The following AKT1 variants were observed in gnomAD, a reference collection of about 807,000 sequenced individuals.
AKT1 encodes the protein AKT serine/threonine kinase 1, also known as RAC-alpha serine/threonine-protein kinase.
Under a neutral mutation model 63.1 loss-of-function variants are expected in AKT1, and 21 were observed. The ratio of observed to expected loss-of-function variants is 0.33; its 90% CI spans 0.24 to 0.48. AKT1 has a LOEUF of 0.48. AKT1 is among the 20% of genes least tolerant of loss of function. The probability of loss-of-function intolerance (pLI) is 0.99; values close to 1 mark genes in which losing one functional copy is unlikely to be tolerated. For synonymous variants in AKT1, 257 were observed against 253.1 expected (o/e 1.02, Z -0.15); for missense variants, 382 against 666.0 (o/e 0.57, Z 4.69).
Position 104,772,434 on chromosome 14 carries a change from C to T in AKT1, c.1191G>A (p.Glu397=), listed in dbSNP as rs1334042967. ...GATGCTGCATGATCTCCTTGGCGTC[C>T]TCGGAGCCCCCGCCAAGCCTGCAGG... ...DPKQRLGGGS[E]DAKEIMQHRF... is the part of the protein sequence containing the mutation. The change falls in exon 13 of 15, where the codon GAG becomes GAA. Residue 397 remains glutamate (E), a synonymous_variant. Transcript: ENST00000649815. 4 of 1,613,408 alleles carry T rather than the reference C, an allele frequency of 2.5e-6. No individual in the cohort carries two copies. Among genetic ancestry groups the T allele is most frequent in the Non-Finnish European group, 3.4e-6 (4 of 1,180,044 alleles).
rs1566816352 is a variant in AKT1 at position 104,772,970 on chromosome 14, G to A, written c.1080C>T (p.Leu360=). ...YNQDHEKLFE[L]ILMEEIRFPR... The stretch of plus-strand genomic sequence containing the variant: ...GGAAGCGGATCTCCTCCATGAGGAT[G>A]AGCTCAAAAAGCTTCTCATGGTCCT... The change falls in exon 12 of 15, where the codon CTC becomes CTT. Residue 360 remains leucine (L), a synonymous_variant. Coordinates refer to ENST00000649815, the MANE Select transcript of AKT1 (RefSeq NM_001382430.1). 25 of 1,614,054 alleles carry A rather than the reference G, an allele frequency of 1.5e-5. No individual in the cohort carries two copies. The highest frequency in any genetic ancestry group is 1.9e-5 in the Non-Finnish European group (22 of 1,180,036).
At chr14:104,784,403 G>C (rs933424292) in intron 3 of AKT1, among the ~76,000 whole-genome samples, 3 of 152,058 alleles carry the variant, frequency 2.0e-5, no homozygotes, top group African/African-American at 7.2e-5. Context: ...GTCCCTGCCC[G>C]GGGGGACAGC....
intron 11 of AKT1, 75 bp from the exon 12 acceptor site, chr14:104,773,167 T>C (rs770846644): frequency 2.6e-4 from 418 of 1,609,872 alleles, no homozygotes; most frequent in Non-Finnish European, 3.5e-4. Flanking sequence ...TGTGACGTGC[T>C]TGGGGCACAG....
intron 3 of AKT1, among the ~76,000 whole-genome samples, chr14:104,782,444 G>A (rs1893108205): frequency 6.6e-6 from 1 of 152,176 alleles, no homozygotes; most frequent in Non-Finnish European, 1.5e-5. Flanking sequence ...CCCCAGCCTT[G>A]CCCCTGACCC....
chr14:104,790,599 C>T (rs189265567), intron 3 of AKT1, among the ~76,000 whole-genome samples: 5 of 152,294 alleles, frequency 3.3e-5, no homozygotes, highest in East Asian at 1.9e-4. Context: ...TGCGGGTGGA[C>T]GCCACCTGCT....
At chr14:104,776,551 G>T (rs1481589230) in intron 5 of AKT1, 108 bp downstream of exon 5, 2 of 915,046 alleles carry the variant, frequency 2.2e-6, no homozygotes, top group East Asian at 5.5e-5. Flanking sequence ...GGAGCACTGG[G>T]GAGTGAGGAT....
chr14:104,782,564 G>A (rs879446748), intron 3 of AKT1, among the ~76,000 whole-genome samples: 144 of 148,310 alleles, frequency 9.7e-4, no homozygotes, highest in Middle Eastern at 3.4e-3. Flanking sequence ...TACCAGGCGT[G>A]GGGGGTGGGA....
At chr14:104,789,841 C>T (rs1893533243) in intron 3 of AKT1, among the ~76,000 whole-genome samples, 1 of 152,208 alleles carries the variant, frequency 6.6e-6, no homozygotes, top group Non-Finnish European at 1.5e-5. Context: ...TGTGCAGACC[C>T]AGAGGCCTCG....
At position 104,773,441 on chromosome 14, in the gene AKT1, G is replaced by A. The variant is rs777252096; in HGVS notation, c.828+14C>T. The stretch of plus-strand genomic sequence containing the variant: ...CCCCCAGGGCCCTGCCCCCCTGCCT[G>A]CCCGCCAGCGCACCTTGAGGTCCCG... On this transcript the variant is annotated intron_variant, in intron 10 of 14. Coordinates refer to ENST00000649815, the MANE Select transcript of AKT1 (RefSeq NM_001382430.1). The A allele has an allele frequency of 4.3e-6, 7 of 1,613,862 alleles. No homozygotes were observed. The highest frequency in any genetic ancestry group is 3.3e-5 in the South Asian group (3 of 91,056).
chr14:104,773,933 C>T lies in AKT1; in HGVS notation c.681G>A (p.Met227Ile). The T allele has an allele frequency of 6.2e-7, 1 of 1,612,774 alleles. No individual in the cohort carries two copies. Among genetic ancestry groups the T allele is most frequent in the Non-Finnish European group, 8.5e-7 (1 of 1,179,358 alleles). ...CTACCTCGCCCCCGTTGGCGTACTC[C>T]ATGACAAAGCAGAGGCGGTCGTGGG... ...FQTHDRLCFVMEYANGGELFF... is the reference protein window; with the variant it reads ...FQTHDRLCFVIEYANGGELFF... Residue 227 changes from methionine to isoleucine, a missense_variant, in exon 9 of 15, where the codon ATG becomes ATA. Physicochemically the swap from Met to Ile is conservative, Grantham distance 10 (BLOSUM62 1). Coordinates refer to ENST00000649815, the MANE Select transcript of AKT1 (RefSeq NM_001382430.1).
chr14:104,794,154 G>GGAAAGCAGGCCAGACTCGAGGAAGGCAC (rs1893766610), intron 1 of AKT1: 1 of 152,446 alleles, frequency 6.6e-6, no homozygotes, highest in African/African-American at 2.4e-5. Context: ...TTAGCAGGAT[G>GGAAAGCAGGCCAGACTCGAGGAAGGCAC]GAAAGCAGGC....
At chr14:104,782,586 C>T (rs1332064619) in intron 3 of AKT1, among the ~76,000 whole-genome samples, 2 of 152,160 alleles carry the variant, frequency 1.3e-5, no homozygotes, top group Non-Finnish European at 2.9e-5. Context: ...AGGACAGGTG[C>T]CCAGCCCCGA....
chr14:104,776,549 G>T, intron 5 of AKT1, 110 bp downstream of exon 5: 3 of 902,346 alleles, frequency 3.3e-6, no homozygotes, highest in Non-Finnish European at 5.0e-6. Flanking sequence ...TGGGAGCACT[G>T]GGGAGTGAGG....
At chr14:104,793,042 G>T in intron 2 of AKT1, 85 bp downstream of exon 2, 1 of 337,990 alleles carries the variant, frequency 3.0e-6, no homozygotes. Flanking sequence ...GAGAGCTGCT[G>T]CCTTGCTCAC....
chr14:104,772,411 T>C lies in AKT1; in HGVS notation c.1214A>G (p.His405Arg). The change falls in exon 13 of 15, where the codon CAT becomes CGT. Residue 405 changes from histidine to arginine, a missense_variant. Transcript: ENST00000649815. ...GSEDAKEIMQ[H>R]RFFAGIVWQH... ...CCACACGATACCGGCAAAGAAGCGA[T>C]GCTGCATGATCTCCTTGGCGTCCTC... is the stretch of plus-strand genomic sequence containing the variant. 6.2e-7 allele frequency: 1 copy of C among 1,613,788 alleles called. No homozygotes were observed. Among genetic ancestry groups the C allele is most frequent in the Non-Finnish European group, 8.5e-7 (1 of 1,180,038 alleles).
chr14:104,790,754 G>A (rs905134574), intron 3 of AKT1, among the ~76,000 whole-genome samples: 1 of 152,162 alleles, frequency 6.6e-6, no homozygotes, highest in Non-Finnish European at 1.5e-5. Context: ...TGAGGCTAGG[G>A]GCCAGATGAC....
chr14:104,771,063 G>A, intron 13 of AKT1: 1 of 564,368 alleles, frequency 1.8e-6, no homozygotes, highest in South Asian at 2.3e-5. Context: ...CTCAACAGCT[G>A]AGACGCAAAG....
At position 104,773,999 on chromosome 14, in the gene AKT1, G is replaced by A. The variant is rs1892557127; in HGVS notation, c.634-19C>T. 1 of 1,607,940 alleles carries A rather than the reference G, an allele frequency of 6.2e-7. No homozygotes were observed. Among genetic ancestry groups the A allele is most frequent in the East Asian group, 2.2e-5 (1 of 44,642 alleles). ...TCAGGGCCTGCAAGGAAGGGGAGCT[G>A]GAACTGCGGCCCCACAGGCAGGACG... On this transcript the variant is annotated intron_variant, in intron 8 of 14. Coordinates refer to ENST00000649815, the MANE Select transcript of AKT1 (RefSeq NM_001382430.1).
intron 4 of AKT1, 115 bp from the exon 5 acceptor site, chr14:104,776,885 G>A: frequency 1.3e-6 from 1 of 776,356 alleles, no homozygotes; most frequent in Non-Finnish European, 2.1e-6. Context: ...CAGGTCCTGG[G>A]AAGCCCCATC....
Sources: gnomAD v4.1 joint callset for allele counts (sites outside exome capture counted in the v4.1 genomes callset) on GRCh38, gnomAD v4.1.1 for gene constraint, MANE v1.5 for transcripts, NCBI Gene and HGNC (gene_info 2026-07-23, HGNC 2026-07-21) for gene names.